Variants in PHLPP1 observed in about 807,000 individuals in gnomAD.
The protein encoded by PHLPP1 is PH domain leucine-rich repeat-containing protein phosphatase 1.
Under a neutral mutation model 117.2 loss-of-function variants are expected in PHLPP1, and 42 were observed. The ratio of observed to expected loss-of-function variants is 0.36; its 90% CI spans 0.28 to 0.46. The LOEUF is 0.46. PHLPP1 is among the 20% of genes least tolerant of loss of function. PHLPP1 has a pLI of 1.00. For missense variants in PHLPP1, 2,084 were observed against 2,241.9 expected (o/e 0.93, Z 1.42); for synonymous variants, 1,042 against 970.7 (o/e 1.07, Z -1.37).
chr18:62,781,321 C>T (rs983625714), intron 1 of PHLPP1, among the ~76,000 whole-genome samples: 1 of 152,158 alleles, frequency 6.6e-6, no homozygotes, highest in Non-Finnish European at 1.5e-5. Context: ...ATTTTCTCTC[C>T]ATTTCATGTC....
At chr18:62,928,347 T>G (rs1909707647) in intron 10 of PHLPP1, among the ~76,000 whole-genome samples, 1 of 151,996 alleles carries the variant, frequency 6.6e-6, no homozygotes, top group Admixed American at 6.6e-5. Context: ...ATGAAAAATA[T>G]GCTCACAGGA....
intron 2 of PHLPP1, among the ~76,000 whole-genome samples, chr18:62,830,659 G>A (rs887682343): frequency 2.0e-5 from 3 of 152,178 alleles, no homozygotes; most frequent in African/African-American, 7.2e-5. Context: ...AGTTCCTGTT[G>A]TGGGTGTTGT....
At chr18:62,894,475 G>T (rs1324358910) in intron 4 of PHLPP1, among the ~76,000 whole-genome samples, 1 of 152,218 alleles carries the variant, frequency 6.6e-6, no homozygotes, top group African/African-American at 2.4e-5. Flanking sequence ...AGGATTACAG[G>T]CCTGAGCCAC....
chr18:62,820,641 G>T (rs1458223479), intron 1 of PHLPP1, among the ~76,000 whole-genome samples: 1 of 152,148 alleles, frequency 6.6e-6, no homozygotes, highest in East Asian at 1.9e-4. Context: ...TGTGAAGAAG[G>T]TGCTTTGCTT....
intron 1 of PHLPP1, among the ~76,000 whole-genome samples, chr18:62,741,164 A>G (rs1273268586): frequency 6.6e-6 from 1 of 152,210 alleles, no homozygotes; most frequent in Admixed American, 6.5e-5. Flanking sequence ...ATTGCTAAAC[A>G]GCAGTAAGAG....
chr18:62,875,580 G>C (rs369281133), intron 4 of PHLPP1, among the ~76,000 whole-genome samples: 12 of 152,116 alleles, frequency 7.9e-5, no homozygotes, highest in East Asian at 5.8e-4. Context: ...ACTGTTGCTA[G>C]GTGAGCATTA....
In PHLPP1 at chr18:62,905,213, T is replaced by C; in HGVS notation, c.2648-11T>C. On this transcript the variant is annotated splice_polypyrimidine_tract_variant and intron_variant, in intron 7 of 16. Transcript: ENST00000262719. ...GTAATGTCTTTGTGGGGTTTTTTTT[T>C]TTCTTCCTAGAACTTGTTCAACTTG... The C allele has an allele frequency of 6.6e-7, 1 of 1,518,082 alleles. No individual in the cohort carries two copies. The highest frequency in any genetic ancestry group is 8.8e-7 in the Non-Finnish European group (1 of 1,132,930). The allele number at this position is 1,518,082 out of a possible 1,614,324, so 94.0% of individuals were successfully genotyped here. A position where few individuals can be genotyped will look rare whatever the true frequency, so the allele number is the denominator to read the frequency against.
At chr18:62,959,244 A>G (rs553421821) in intron 13 of PHLPP1, among the ~76,000 whole-genome samples, 1 of 152,250 alleles carries the variant, frequency 6.6e-6, no homozygotes, top group Non-Finnish European at 1.5e-5. Flanking sequence ...ATGGAACTCT[A>G]AATGTCTATT....
At chr18:62,819,737 C>T (rs1361646642) in intron 1 of PHLPP1, among the ~76,000 whole-genome samples, 2 of 152,192 alleles carry the variant, frequency 1.3e-5, no homozygotes, top group African/African-American at 4.8e-5. Flanking sequence ...CCTCTGCCTC[C>T]TGGGTTCAAG....
At chr18:62,736,293 A>C (rs1789855214) in intron 1 of PHLPP1, among the ~76,000 whole-genome samples, 1 of 152,226 alleles carries the variant, frequency 6.6e-6, no homozygotes, top group Non-Finnish European at 1.5e-5. Flanking sequence ...GCATTTTAAC[A>C]AGATCCCCAG....
At chr18:62,941,617 T>G (rs947076668) in intron 10 of PHLPP1, 101 bp from the exon 11 acceptor site, 2 of 791,362 alleles carry the variant, frequency 2.5e-6, no homozygotes, top group Non-Finnish European at 4.0e-6. Context: ...CAATTCATGT[T>G]TCTGATCCCA....
chr18:62,827,652 C>T (rs1404968735), intron 1 of PHLPP1, among the ~76,000 whole-genome samples: 1 of 152,222 alleles, frequency 6.6e-6, no homozygotes, highest in East Asian at 1.9e-4. Context: ...TTAATTCATA[C>T]TGGGATCTTT....
In PHLPP1 at chr18:62,806,711, G is replaced by T. The variant is rs1371548469; in HGVS notation, c.1577-23324G>T. 3.9e-5 allele frequency among the ~76,000 whole-genome samples: 6 copies of T among 152,270 alleles called. No individual in the cohort carries two copies. The East Asian group carries it at 1.2e-3, about 29-fold the overall frequency. ...TGCAATGTTGAAATTAGATCTTCAA[G>T]GATTAGCTTGACATCTTTTTTGAAA... On this transcript the variant is annotated intron_variant, in intron 1 of 16. Transcript: ENST00000262719.
At chr18:62,863,322 T>G (rs1018763810) in intron 4 of PHLPP1, among the ~76,000 whole-genome samples, 2 of 152,100 alleles carry the variant, frequency 1.3e-5, no homozygotes, top group Admixed American at 1.3e-4. Context: ...TGCCTCAGCC[T>G]CCCAAATAGC....
intron 6 of PHLPP1, among the ~76,000 whole-genome samples, chr18:62,901,182 G>T (rs1916715579): frequency 6.6e-6 from 1 of 152,180 alleles, no homozygotes; most frequent in South Asian, 2.1e-4. Context: ...AAGTGAAGAT[G>T]ATAAAGCCAT....
chr18:62,720,722 T>G (rs1910890372), intron 1 of PHLPP1, among the ~76,000 whole-genome samples: 1 of 152,160 alleles, frequency 6.6e-6, no homozygotes, highest in African/African-American at 2.4e-5. Flanking sequence ...TTTTTTAGTA[T>G]TTTACATTTT....
chr18:62,770,740 TG>T lies in PHLPP1; in HGVS notation c.1576+53489del, dbSNP rs895748066. On this transcript the variant is annotated intron_variant, in intron 1 of 16. Transcript: ENST00000262719. ...AGTGTTTTGGATTTTGGAATTTTTT[TG>T]GGGGGGGTGGGGAATATTTGCATAT... 2.0e-4 allele frequency among the ~76,000 whole-genome samples: 30 copies of T among 151,998 alleles called. No homozygotes were observed. In the East Asian group the frequency reaches 2.3e-3, roughly 12 times the overall value.
At chr18:62,931,112 G>A (rs982598389) in intron 10 of PHLPP1, among the ~76,000 whole-genome samples, 4 of 151,306 alleles carry the variant, frequency 2.6e-5, no homozygotes, top group Admixed American at 2.6e-4. Flanking sequence ...CAGGAGAATT[G>A]CTTGAACCCG....
intron 12 of PHLPP1, among the ~76,000 whole-genome samples, chr18:62,945,517 G>A (rs370554108): frequency 2.0e-5 from 3 of 152,148 alleles, no homozygotes; most frequent in African/African-American, 4.8e-5. Context: ...CTCACTTACT[G>A]TATGACATGA....
Sources: allele counts gnomAD v4.1 joint callset (sites outside exome capture counted in the v4.1 genomes callset), GRCh38; gene constraint gnomAD v4.1.1; transcripts MANE v1.5; gene names NCBI Gene and HGNC (gene_info 2026-07-23, HGNC 2026-07-21).